Variants in TRPM3 observed in about 807,000 individuals in gnomAD.
TRPM3 encodes long transient receptor potential channel 3.
TRPM3 carries 77 observed loss-of-function variants against 181.2 expected under a neutral mutation model. The observed-to-expected ratio is 0.42, with a 90% CI of 0.35 to 0.51. TRPM3 has a LOEUF of 0.51. TRPM3 is among the 20% of genes least tolerant of loss of function. TRPM3 has a pLI of 0.01. For missense variants in TRPM3, 1,759 were observed against 2,196.7 expected (o/e 0.80, Z 3.98); for synonymous variants, 745 against 796.4 (o/e 0.94, Z 1.09).
chr9:70,875,771 A>C (rs939323978), intron 1 of TRPM3, among the ~76,000 whole-genome samples: 1 of 151,966 alleles, frequency 6.6e-6, no homozygotes, highest in Non-Finnish European at 1.5e-5. Flanking sequence ...GAATTATTTA[A>C]CTGGAGGAAC....
At chr9:71,081,256 G>A (rs907683287) in intron 1 of TRPM3, among the ~76,000 whole-genome samples, 31 of 152,186 alleles carry the variant, frequency 2.0e-4, no homozygotes, top group African/African-American at 6.8e-4. Context: ...AATGAATAGT[G>A]AACATGCAAG....
intron 22 of TRPM3, among the ~76,000 whole-genome samples, chr9:70,573,629 C>T (rs182195872): frequency 6.6e-6 from 1 of 151,944 alleles, no homozygotes; most frequent in Non-Finnish European, 1.5e-5. Flanking sequence ...AACAAAAAAA[C>T]CAAAACAAAA....
chr9:70,583,080 G>T, intron 22 of TRPM3, among the ~76,000 whole-genome samples: 1 of 152,188 alleles, frequency 6.6e-6, no homozygotes, highest in East Asian at 1.9e-4. Context: ...GGGAACGGAA[G>T]GTTGCAGCAC....
intron 6 of TRPM3, among the ~76,000 whole-genome samples, chr9:70,796,079 A>T (rs1473687254): frequency 8.5e-5 from 13 of 152,244 alleles, no homozygotes; most frequent in Non-Finnish European, 1.3e-4. Flanking sequence ...CAAAACCCAC[A>T]TCAAAAGTCA....
intron 1 of TRPM3, among the ~76,000 whole-genome samples, chr9:70,902,099 G>T (rs2096395632): frequency 6.6e-6 from 1 of 152,234 alleles, no homozygotes; most frequent in Admixed American, 6.5e-5. Context: ...GTAACACACA[G>T]AAATTTTTAT....
intron 1 of TRPM3, among the ~76,000 whole-genome samples, chr9:71,385,431 T>G (rs898160449): frequency 6.6e-5 from 10 of 152,196 alleles, no homozygotes; most frequent in African/African-American, 2.4e-4. Context: ...CATCTTTATT[T>G]GTATTAGAGG....
intron 1 of TRPM3, among the ~76,000 whole-genome samples, chr9:71,146,818 C>T (rs963717225): frequency 6.6e-6 from 1 of 152,184 alleles, no homozygotes; most frequent in Non-Finnish European, 1.5e-5. Flanking sequence ...TACCTGATTT[C>T]TCCAAACTTT....
upstream of TRPM3, among the ~76,000 whole-genome samples, chr9:71,122,814 C>T (rs1405409630): frequency 6.6e-6 from 1 of 152,198 alleles, no homozygotes; most frequent in Non-Finnish European, 1.5e-5. Context: ...GACCATTGAC[C>T]TACCTCGTAT....
chr9:71,067,173 G>A (rs2062037789), intron 1 of TRPM3, among the ~76,000 whole-genome samples: 1 of 152,074 alleles, frequency 6.6e-6, no homozygotes, highest in Non-Finnish European at 1.5e-5. Context: ...GACAAAACAA[G>A]GAGGCAATTA....
chr9:71,264,891 A>G (rs1161324641), intron 1 of TRPM3, among the ~76,000 whole-genome samples: 3 of 152,238 alleles, frequency 2.0e-5, no homozygotes, highest in African/African-American at 7.2e-5. Context: ...CCTAAAATAT[A>G]TATTTTAAAT....
intron 16 of TRPM3, among the ~76,000 whole-genome samples, chr9:70,619,596 T>C (rs1026296791): frequency 1.3e-5 from 2 of 151,596 alleles, no homozygotes; most frequent in African/African-American, 4.9e-5. Context: ...AATTTTTTTT[T>C]TGGAGATGGG....
At chr9:71,079,438 C>G (rs2063913285) in intron 1 of TRPM3, among the ~76,000 whole-genome samples, 1 of 152,158 alleles carries the variant, frequency 6.6e-6, no homozygotes, top group Non-Finnish European at 1.5e-5. Flanking sequence ...CAAATCAAAA[C>G]TGTATCTCTG....
chr9:70,539,140 C>CT (rs1235233623), intron 25 of TRPM3, among the ~76,000 whole-genome samples: 4 of 152,242 alleles, frequency 2.6e-5, no homozygotes, highest in African/African-American at 9.6e-5. Flanking sequence ...ACAGAATATG[C>CT]TTCACAGTGA....
chr9:70,898,983 G>C (rs912120085), intron 1 of TRPM3, among the ~76,000 whole-genome samples: 1 of 152,054 alleles, frequency 6.6e-6, no homozygotes, highest in Non-Finnish European at 1.5e-5. Context: ...ATGAAGCTTG[G>C]ACAACAGAAA....
At chr9:71,149,481 A>G (rs1263670279) in intron 1 of TRPM3, among the ~76,000 whole-genome samples, 1 of 152,154 alleles carries the variant, frequency 6.6e-6, no homozygotes, top group African/African-American at 2.4e-5. Context: ...TGAAGTAATT[A>G]TGGAATGTCT....
chr9:71,083,890 A>C (rs576184897), intron 1 of TRPM3, among the ~76,000 whole-genome samples: 27 of 152,030 alleles, frequency 1.8e-4, no homozygotes, highest in Non-Finnish European at 3.5e-4. Context: ...ACATATATAT[A>C]GTTTTTAACC....
At chr9:70,861,874 GA>G (rs1447453143) in intron 3 of TRPM3, among the ~76,000 whole-genome samples, 8 of 118,322 alleles carry the variant, frequency 6.8e-5, no homozygotes, top group Non-Finnish European at 1.1e-4. Flanking sequence ...ATATTTCATA[GA>G]AAAGAAGTGT....
At chr9:71,382,853 C>T (rs932987382) in intron 1 of TRPM3, among the ~76,000 whole-genome samples, 1 of 151,886 alleles carries the variant, frequency 6.6e-6, no homozygotes, top group African/African-American at 2.4e-5. Flanking sequence ...TACTCATCAA[C>T]CACTGGGATG....
intron 1 of TRPM3, among the ~76,000 whole-genome samples, chr9:70,983,253 G>A (rs1216227102): frequency 6.6e-6 from 1 of 151,858 alleles, no homozygotes; most frequent in Non-Finnish European, 1.5e-5. Flanking sequence ...TCTTTTGTAG[G>A]TTGATGCTGC....
Sources: gnomAD v4.1 joint callset for allele counts (sites outside exome capture counted in the v4.1 genomes callset) on GRCh38, gnomAD v4.1.1 for gene constraint, MANE v1.5 for transcripts, NCBI Gene and HGNC (gene_info 2026-07-23, HGNC 2026-07-21) for gene names.